KLHDC4: variants seen among roughly 807,000 people sequenced by gnomAD.
KLHDC4 encodes kelch domain-containing protein 4.
KLHDC4 carries 90 observed loss-of-function variants against 62.4 expected under a neutral mutation model. The observed-to-expected ratio is 1.44, with a 90% CI of 1.22 to 1.72. The LOEUF is 1.72. Among genes scored for constraint, KLHDC4 ranks in the 40% most tolerant of loss-of-function variants. The probability of loss-of-function intolerance (pLI) is 0.00; values close to 1 mark genes in which losing one functional copy is unlikely to be tolerated. For synonymous variants in KLHDC4, 386 were observed against 284.4 expected, an observed-to-expected ratio of 1.36 and a Z score of -3.59; for missense variants, 1,025 against 699.7, an observed-to-expected ratio of 1.47 and a Z score of -5.25.
downstream of KLHDC4, among the ~76,000 whole-genome samples, chr16:87,703,834 G>A (rs1463954811): frequency 1.3e-5 from 2 of 152,222 alleles, no homozygotes; most frequent in Admixed American, 1.3e-4. Context: ...GACCAGGTGT[G>A]GCCAGGCCCC....
At chr16:87,719,357 TA>T (rs1487745229) in intron 7 of KLHDC4, among the ~76,000 whole-genome samples, 1 of 152,256 alleles carries the variant, frequency 6.6e-6, no homozygotes, top group African/African-American at 2.4e-5. Context: ...GCTGTTAATC[TA>T]TAACCTTACC....
At chr16:87,725,888 G>T (rs1016102952) in intron 7 of KLHDC4, among the ~76,000 whole-genome samples, 1 of 152,142 alleles carries the variant, frequency 6.6e-6, no homozygotes, top group African/African-American at 2.4e-5. Flanking sequence ...TAACAGGAGC[G>T]AGGAGAATTT....
At chr16:87,706,876 G>T (rs2034799309), downstream of KLHDC4, among the ~76,000 whole-genome samples, 1 of 152,198 alleles carries the variant, frequency 6.6e-6, no homozygotes, top group South Asian at 2.1e-4. Context: ...AAGGGAGCGG[G>T]GAGGTGCTCA....
At chr16:87,747,155 C>G (rs1239032818) in intron 5 of KLHDC4, among the ~76,000 whole-genome samples, 1 of 152,258 alleles carries the variant, frequency 6.6e-6, no homozygotes, top group Non-Finnish European at 1.5e-5. Flanking sequence ...ATGTCACAGA[C>G]AGCTCAGAGT....
chr16:87,749,640 G>C (rs1272473218), intron 4 of KLHDC4, among the ~76,000 whole-genome samples: 1 of 152,088 alleles, frequency 6.6e-6, no homozygotes, highest in African/African-American at 2.4e-5. Context: ...CTGGAGTGCG[G>C]TGGCGCCATC....
intron 7 of KLHDC4, among the ~76,000 whole-genome samples, chr16:87,717,855 G>A (rs79489797): frequency 2.6e-5 from 4 of 151,782 alleles, no homozygotes; most frequent in East Asian, 3.9e-4. Flanking sequence ...TATATGAACC[G>A]TCTTGTTTTG....
In KLHDC4 at chr16:87,708,378, G is replaced by A. The variant is rs556357664; in HGVS notation, c.1536C>T (p.Ser512=). Residue 512 remains serine (S), a synonymous_variant, in exon 11 of 12, where the codon AGC becomes AGT. Transcript: ENST00000270583. ...AGTCCTCCGCACCGCTCTCCTCTCC[G>A]CTGTCTTCGTCGTCGACCCCACCCT... ...GAEGGVDDED[S]GEESGAED 30 of 1,609,424 alleles carry A rather than the reference G, an allele frequency of 1.9e-5. No individual in the cohort carries two copies. Among genetic ancestry groups the A allele is most frequent in the Admixed American group, 8.4e-5 (5 of 59,848 alleles).
In KLHDC4 at chr16:87,711,270, C is replaced by T. The variant is rs374406978; in HGVS notation, c.1009G>A (p.Ala337Thr). The part of the protein sequence containing the change: ...EFFNDLYFYD[A>T]TRNRWFEGQL... ...CCCTCAAACCAACGGTTCCTGGTGG[C>T]GTCGTAGAAGTACAGATCGTTGAAG... The change falls in exon 9 of 12, where the codon GCC (alanine) becomes ACC (threonine). Residue 337 changes from alanine to threonine, a missense_variant. Coordinates refer to ENST00000270583, the MANE Select transcript of KLHDC4 (RefSeq NM_017566.4). 93 of 1,614,046 alleles carry T rather than the reference C, an allele frequency of 5.8e-5. 1 individual carries two copies. Among genetic ancestry groups the T allele is most frequent in the Non-Finnish European group, 7.3e-5 (86 of 1,180,046 alleles).
rs1405447098 is a variant in KLHDC4, at chr16:87,748,662, T to C, written c.506+11A>G. Reference sequence around the variant, plus strand: ...CATGCCCGGAGCTCAGCTTCTCATCTGGCTTCTTACTTGACTTGTTCCCAG... The same window carrying C: ...CATGCCCGGAGCTCAGCTTCTCATCCGGCTTCTTACTTGACTTGTTCCCAG... On this transcript the variant is annotated intron_variant, in intron 5 of 11. Coordinates refer to ENST00000270583, the MANE Select transcript of KLHDC4 (RefSeq NM_017566.4). 5 of 1,613,578 alleles carry C rather than the reference T, an allele frequency of 3.1e-6. No homozygotes were observed. The highest frequency in any genetic ancestry group is 4.2e-6 in the Non-Finnish European group (5 of 1,179,884).
intron 2 of KLHDC4, among the ~76,000 whole-genome samples, chr16:87,758,023 C>T (rs1294611968): frequency 1.3e-5 from 2 of 152,224 alleles, no homozygotes; most frequent in African/African-American, 2.4e-5. Flanking sequence ...TTCCCCAAGG[C>T]GTGCTCCATA....
At chr16:87,761,925 A>G (rs1405383153) in intron 2 of KLHDC4, 24 bp downstream of exon 2, 15 of 1,608,416 alleles carry the variant, frequency 9.3e-6, no homozygotes, top group Non-Finnish European at 1.3e-5. Context: ...GAAACATACA[A>G]TATGAAAAAT....
chr16:87,722,489 C>T (rs1403943059), intron 7 of KLHDC4, among the ~76,000 whole-genome samples: 2 of 152,232 alleles, frequency 1.3e-5, no homozygotes, highest in East Asian at 3.8e-4. Flanking sequence ...TGGAGCCTTG[C>T]CATGCAGAAC....
chr16:87,733,373 G>T (rs1363620435), intron 5 of KLHDC4, among the ~76,000 whole-genome samples: 2 of 152,228 alleles, frequency 1.3e-5, no homozygotes, highest in African/African-American at 4.8e-5. Context: ...TCGCAGAGGT[G>T]CTTACGCCGG....
chr16:87,731,166 C>T (rs1305391636), intron 5 of KLHDC4, among the ~76,000 whole-genome samples: 7 of 141,888 alleles, frequency 4.9e-5, no homozygotes, highest in South Asian at 2.3e-4. Flanking sequence ...AAAGTTCAAG[C>T]GGTTCTCCTG....
In KLHDC4 at chr16:87,708,073, C is replaced by T. The variant is rs1328872918; in HGVS notation, c.*4G>A. Reference sequence around the variant, plus strand: ...TTGCCAGGCGCCCCTGGCAGGGGCTCTTCTGATACGCAAGGAGGAAGGAAT... The same window carrying T: ...TTGCCAGGCGCCCCTGGCAGGGGCTTTTCTGATACGCAAGGAGGAAGGAAT... On this transcript the variant is annotated splice_region_variant and 3_prime_UTR_variant, in exon 12 of 12. Coordinates refer to ENST00000270583, the MANE Select transcript of KLHDC4 (RefSeq NM_017566.4). 5.2e-6 allele frequency: 3 copies of T among 577,012 alleles called. No homozygotes were observed. Among genetic ancestry groups the T allele is most frequent in the African/African-American group, 1.8e-5 (1 of 54,166 alleles). The allele number at this position is 577,012 out of a possible 1,614,324, so 35.7% of individuals were successfully genotyped here. A position where few individuals can be genotyped will look rare whatever the true frequency, so the allele number is the denominator to read the frequency against.
downstream of KLHDC4, among the ~76,000 whole-genome samples, chr16:87,704,114 C>G (rs2034362939): frequency 6.6e-6 from 1 of 152,230 alleles, no homozygotes; most frequent in African/African-American, 2.4e-5. Flanking sequence ...TGGAGGAAGG[C>G]TGACTCTTCT....
chr16:87,735,641 AG>A (rs1041352724), intron 5 of KLHDC4, among the ~76,000 whole-genome samples: 3 of 152,274 alleles, frequency 2.0e-5, no homozygotes, highest in Non-Finnish European at 4.4e-5. Flanking sequence ...GTCCCTCTTT[AG>A]AAAAATAAAG....
At chr16:87,742,633 C>A (rs2042398676) in intron 5 of KLHDC4, among the ~76,000 whole-genome samples, 1 of 152,270 alleles carries the variant, frequency 6.6e-6, no homozygotes, top group Non-Finnish European at 1.5e-5. Flanking sequence ...GATTCCTCAA[C>A]CACACATCAA....
chr16:87,727,059 CT>C, intron 6 of KLHDC4, 135 bp from the exon 7 acceptor site: 1 of 866,152 alleles, frequency 1.2e-6, no homozygotes, highest in Non-Finnish European at 1.8e-6. Context: ...CTCCTCTGCT[CT>C]TACACCAACA....
Sources: allele counts gnomAD v4.1 joint callset (sites outside exome capture counted in the v4.1 genomes callset), GRCh38; gene constraint gnomAD v4.1.1; transcripts MANE v1.5; gene names NCBI Gene and HGNC (gene_info 2026-07-23, HGNC 2026-07-21).